HERC3: variants seen among roughly 807,000 people sequenced by gnomAD.
The protein encoded by HERC3 is probable E3 ubiquitin-protein ligase HERC3.
Under a neutral mutation model 129.9 loss-of-function variants are expected in HERC3, and 58 were observed. That is an observed-to-expected ratio of 0.45 (90% CI 0.36 to 0.56). HERC3 has a LOEUF of 0.56. HERC3 is among the 20% of genes least tolerant of loss of function. The pLI, the probability that HERC3 is intolerant of heterozygous loss-of-function variation, is 0.00. For missense variants in HERC3, 835 were observed against 1,244.2 expected, an observed-to-expected ratio of 0.67 and a Z score of 4.95; for synonymous variants, 430 against 451.0, an observed-to-expected ratio of 0.95 and a Z score of 0.59.
intron 3 of HERC3, among the ~76,000 whole-genome samples, chr4:88,631,578 G>A (rs1455404455): frequency 6.6e-6 from 1 of 152,240 alleles, no homozygotes; most frequent in Non-Finnish European, 1.5e-5. Flanking sequence ...TTGGTATTAA[G>A]CAAGTGAGTG....
intron 23 of HERC3, chr4:88,697,692 T>TGCCTCCGCCGCTGCCGCC: frequency 6.2e-7 from 1 of 1,611,190 alleles, no homozygotes; most frequent in Non-Finnish European, 8.5e-7. Flanking sequence ...CCTCTGCCGC[T>TGCCTCCGCCGCTGCCGCC]GCCTCCGCCG....
the HERC3 span, among the ~76,000 whole-genome samples, chr4:88,532,385 C>G: frequency 6.6e-6 from 1 of 151,980 alleles, no homozygotes; most frequent in African/African-American, 2.4e-5. Flanking sequence ...CTCAAAGGCT[C>G]TAGAACCCAG....
chr4:88,557,480 G>T, the HERC3 span, among the ~76,000 whole-genome samples: 3 of 152,080 alleles, frequency 2.0e-5, no homozygotes, highest in African/African-American at 4.8e-5. Context: ...ATTTTTGGTG[G>T]ATATTTGTTC....
intron 3 of HERC3, among the ~76,000 whole-genome samples, chr4:88,613,043 G>C (rs534601543): frequency 1.6e-4 from 25 of 152,216 alleles, no homozygotes; most frequent in African/African-American, 5.1e-4. Flanking sequence ...TACATACTCT[G>C]ATTTCTAATA....
intron 2 of HERC3, among the ~76,000 whole-genome samples, chr4:88,599,958 A>C (rs1430084455): frequency 2.0e-5 from 3 of 152,166 alleles, no homozygotes; most frequent in Non-Finnish European, 2.9e-5. Flanking sequence ...CTTACTATAC[A>C]GCACAGCATA....
At chr4:88,579,246 T>C in the HERC3 span, among the ~76,000 whole-genome samples, 1,647 of 148,424 alleles carry the variant, frequency 0.011, 47 homozygotes, top group African/African-American at 0.037. Flanking sequence ...TATATATATA[T>C]ATATATGAAA....
chr4:88,591,977 C>G (rs1451732862), upstream of HERC3, among the ~76,000 whole-genome samples: 3 of 152,092 alleles, frequency 2.0e-5, no homozygotes, highest in Non-Finnish European at 4.4e-5. Context: ...TCCCACCGCG[C>G]AGCGCCGCGG....
At position 88,605,723 on chromosome 4, in the gene HERC3, A is replaced by G. The variant is rs1723552766; in HGVS notation, c.-29-72A>G. On this transcript the variant is annotated intron_variant, in intron 2 of 25. Transcript: ENST00000402738. ...GGGAGGGTTATTTTTAAAATTGGTT[A>G]CATTCATTACTTGATTTTCTATGAC... is the stretch of plus-strand genomic sequence containing the variant. The G allele has an allele frequency of 6.1e-6, 5 of 823,478 alleles. No homozygotes were observed. The Admixed American group carries it at 1.1e-4, about 18-fold the overall frequency. 51.0% of individuals were successfully genotyped at this position (823,478 alleles called of 1,614,324 possible). A position where few individuals can be genotyped will look rare whatever the true frequency, so the allele number is the denominator to read the frequency against.
chr4:88,571,156 G>T, the HERC3 span, among the ~76,000 whole-genome samples: 1 of 152,052 alleles, frequency 6.6e-6, no homozygotes, highest in South Asian at 2.1e-4. Flanking sequence ...ACAACTCTGA[G>T]CTTCTAGGTT....
the HERC3 span, among the ~76,000 whole-genome samples, chr4:88,552,138 G>A: frequency 2.0e-5 from 3 of 150,056 alleles, no homozygotes; most frequent in South Asian, 4.3e-4. Context: ...CTGTTGTGGG[G>A]TGGGGGGAGG....
chr4:88,542,854 A>G, the HERC3 span, among the ~76,000 whole-genome samples: 3 of 152,372 alleles, frequency 2.0e-5, no homozygotes, highest in South Asian at 6.2e-4. Flanking sequence ...TTTTCTCTAT[A>G]GTTGCAGAAA....
At chr4:88,659,232 C>T (rs1730231228) in intron 10 of HERC3, among the ~76,000 whole-genome samples, 5 of 152,144 alleles carry the variant, frequency 3.3e-5, no homozygotes, top group South Asian at 2.1e-4. Context: ...GGACCAGCTC[C>T]GAGTGGTGCA....
At chr4:88,600,885 T>G (rs975425350) in intron 2 of HERC3, among the ~76,000 whole-genome samples, 2 of 152,170 alleles carry the variant, frequency 1.3e-5, no homozygotes, top group African/African-American at 4.8e-5. Flanking sequence ...GTAGGAGAGA[T>G]AAGACAAATT....
At chr4:88,551,193 C>T in the HERC3 span, among the ~76,000 whole-genome samples, 1 of 152,156 alleles carries the variant, frequency 6.6e-6, no homozygotes, top group African/African-American at 2.4e-5. Flanking sequence ...TGGAAGAAAA[C>T]CTAGGCATTA....
At chr4:88,627,657 C>A (rs1440409618) in intron 3 of HERC3, among the ~76,000 whole-genome samples, 2 of 152,034 alleles carry the variant, frequency 1.3e-5, no homozygotes, top group African/African-American at 4.8e-5. Flanking sequence ...AATCCCAGCA[C>A]TTTGGGAGGC....
chr4:88,674,625 TG>T (rs1176120875), intron 16 of HERC3, among the ~76,000 whole-genome samples: 1 of 152,234 alleles, frequency 6.6e-6, no homozygotes, highest in Non-Finnish European at 1.5e-5. Flanking sequence ...TTATATCTTT[TG>T]TAGGTACCTA....
chr4:88,706,677 T>TC, intron 25 of HERC3, 75 bp from the exon 26 acceptor site: 1 of 1,198,396 alleles, frequency 8.3e-7, no homozygotes, highest in Non-Finnish European at 1.2e-6. Context: ...TGCCTTCCTC[T>TC]CCTGTTGCCA....
chr4:88,591,692 C>T (rs1039460539), upstream of HERC3, among the ~76,000 whole-genome samples: 1 of 152,076 alleles, frequency 6.6e-6, no homozygotes, highest in African/African-American at 2.4e-5. Flanking sequence ...CACTAGTGAC[C>T]TTGGGGAGGG....
At chr4:88,671,597 C>T (rs1731619501) in intron 16 of HERC3, among the ~76,000 whole-genome samples, 1 of 152,130 alleles carries the variant, frequency 6.6e-6, no homozygotes, top group African/African-American at 2.4e-5. Context: ...CATCTTGGCT[C>T]ACTGCAACCT....
Sources: gnomAD v4.1 joint callset for allele counts (sites outside exome capture counted in the v4.1 genomes callset) on GRCh38, gnomAD v4.1.1 for gene constraint, MANE v1.5 for transcripts, NCBI Gene and HGNC (gene_info 2026-07-23, HGNC 2026-07-21) for gene names.